The following LAMA2 variants were observed in gnomAD, a reference collection of about 807,000 sequenced individuals.
LAMA2 encodes the protein laminin subunit alpha-2.
In LAMA2, 269 loss-of-function variants were observed where a neutral mutation model predicts 364.8. The observed-to-expected ratio is 0.74, with a 90% CI of 0.67 to 0.82. The LOEUF is 0.82. Among genes scored for constraint, LAMA2 ranks in the 40% least tolerant of loss-of-function variants. The probability of loss-of-function intolerance (pLI) is 0.00; values close to 1 mark genes in which losing one functional copy is unlikely to be tolerated. For missense variants in LAMA2, 3,807 were observed against 3,873.2 expected (o/e 0.98, Z 0.45); for synonymous variants, 1,379 against 1,370.6 (o/e 1.01, Z -0.14).
At chr6:128,982,420 C>T (rs1782943920) in intron 1 of LAMA2, among the ~76,000 whole-genome samples, 1 of 152,086 alleles carries the variant, frequency 6.6e-6, no homozygotes, top group South Asian at 2.1e-4. Context: ...CGACTTCTGA[C>T]AATTTTATTT....
At chr6:129,334,525 CGAA>C (rs1384919921) in intron 29 of LAMA2, among the ~76,000 whole-genome samples, 2 of 151,856 alleles carry the variant, frequency 1.3e-5, no homozygotes, top group East Asian at 3.9e-4. Flanking sequence ...CATTTATAGT[CGAA>C]GAACCAATCA....
At chr6:129,393,321 A>G (rs1027644050) in intron 37 of LAMA2, 66 bp downstream of exon 37, 5 of 1,170,706 alleles carry the variant, frequency 4.3e-6, no homozygotes, top group Non-Finnish European at 6.4e-6. Context: ...AGTGTTGAAC[A>G]TGGCTGGACT....
chr6:129,046,328 G>T (rs765526531), intron 1 of LAMA2, among the ~76,000 whole-genome samples: 3 of 152,132 alleles, frequency 2.0e-5, no homozygotes, highest in Non-Finnish European at 2.9e-5. Flanking sequence ...GAGAAAAATA[G>T]GTTTAATAGA....
chr6:129,172,353 C>T (rs1283683136), intron 9 of LAMA2, among the ~76,000 whole-genome samples: 1 of 152,080 alleles, frequency 6.6e-6, no homozygotes, highest in South Asian at 2.1e-4. Flanking sequence ...ATGGGTTTTT[C>T]GTGTGGATGT....
chr6:129,250,357 CTT>C (rs1786090191), intron 13 of LAMA2, 144 bp downstream of exon 13: 1 of 667,812 alleles, frequency 1.5e-6, no homozygotes, highest in Non-Finnish European at 2.7e-6. Context: ...TTGTGCCACT[CTT>C]TTGTTTCACT....
At position 129,402,433 on chromosome 6, in the gene LAMA2, C is replaced by T; in HGVS notation, c.5672C>T (p.Ser1891Phe). 6.2e-7 allele frequency: 1 copy of T among 1,614,082 alleles called. No individual in the cohort carries two copies. The highest frequency in any genetic ancestry group is 8.5e-7 in the Non-Finnish European group (1 of 1,180,004). The change falls in exon 39 of 65, where the codon TCC becomes TTC. Residue 1891 changes from serine (S) to phenylalanine (F), a missense_variant. Ser to Phe is a radical substitution (Grantham distance 155). This residue lies in a region of LAMA2 where 3,333 missense variants were observed against 3,345.7 expected (regional missense o/e 1.00). Coordinates refer to ENST00000421865, the MANE Select transcript of LAMA2 (RefSeq NM_000426.4). The stretch of plus-strand genomic sequence containing the variant: ...GACAGGAAGCTTGCTGAGAAGGTGT[C>T]CCAGGCTGAGAGCCACGCAGCTCAG... ...IKDRKLAEKVSQAESHAAQLN... is the reference protein window; with the variant it reads ...IKDRKLAEKVFQAESHAAQLN...
rs747619612 is a variant in LAMA2, at chr6:129,514,392, A to G, written c.9008A>G (p.Asn3003Ser). ...IDEKLMFHVD[N>S]GAGRFTAVYD... ...TTCCAGTTGATGTTTCATGTGGACA[A>G]TGGTGCGGGCAGATTCACTGCTGTC... The change falls in exon 64 of 65, where the codon AAT (asparagine) becomes AGT (serine). Residue 3003 changes from asparagine (N) to serine (S), a missense_variant. This residue lies in a region of LAMA2 where 3,333 missense variants were observed against 3,345.7 expected (regional missense o/e 1.00). Transcript: ENST00000421865. 2.5e-5 allele frequency: 40 copies of G among 1,613,544 alleles called. No individual in the cohort carries two copies. The Admixed American group carries it at 3.7e-4, about 15-fold the overall frequency.
chr6:128,932,835 G>C (rs185691165), intron 1 of LAMA2, among the ~76,000 whole-genome samples: 1 of 152,108 alleles, frequency 6.6e-6, no homozygotes, highest in South Asian at 2.1e-4. Context: ...TTGTGTGTGC[G>C]TGTTTGTTTA....
intron 17 of LAMA2, among the ~76,000 whole-genome samples, chr6:129,277,898 A>T (rs1305061619): frequency 2.0e-5 from 3 of 152,166 alleles, no homozygotes; most frequent in African/African-American, 7.2e-5. Context: ...AATCTATTTT[A>T]TGAATAGCTT....
At chr6:129,267,696 G>T (rs976701144) in intron 16 of LAMA2, among the ~76,000 whole-genome samples, 41 of 151,906 alleles carry the variant, frequency 2.7e-4, no homozygotes, top group Non-Finnish European at 1.3e-4. Context: ...TTAACTAAAT[G>T]CATAGTGTCA....
chr6:128,883,140 C>T lies in LAMA2; in HGVS notation c.-106C>T. 1 of 1,163,394 alleles carries T rather than the reference C, an allele frequency of 8.6e-7. No individual in the cohort carries two copies. Among genetic ancestry groups the T allele is most frequent in the Non-Finnish European group, 1.2e-6 (1 of 811,678 alleles). The allele number at this position is 1,163,394 out of a possible 1,614,324, so 72.1% of individuals were successfully genotyped here. On this transcript the variant is annotated 5_prime_UTR_variant, in exon 1 of 65. Coordinates refer to ENST00000421865, the MANE Select transcript of LAMA2 (RefSeq NM_000426.4). ...AAGCCAGAGGGGGCTGTCTCCTCCTCTTCCCCAGCAGCTGCTGCTCGCTCA... is the reference window on the plus strand; with the variant it reads ...AAGCCAGAGGGGGCTGTCTCCTCCTTTTCCCCAGCAGCTGCTGCTCGCTCA...
At chr6:129,047,262 T>C (rs576420894) in intron 1 of LAMA2, among the ~76,000 whole-genome samples, 1 of 152,218 alleles carries the variant, frequency 6.6e-6, no homozygotes, top group Non-Finnish European at 1.5e-5. Context: ...TCTAATGAAA[T>C]AAATAATACT....
At chr6:129,211,749 G>T (rs746297064) in intron 12 of LAMA2, among the ~76,000 whole-genome samples, 1 of 152,104 alleles carries the variant, frequency 6.6e-6, no homozygotes, top group Non-Finnish European at 1.5e-5. Context: ...CCCAGCTCTG[G>T]CTGAGTTAGG....
intron 51 of LAMA2, among the ~76,000 whole-genome samples, chr6:129,466,760 C>A (rs1489319156): frequency 6.6e-6 from 1 of 151,834 alleles, no homozygotes; most frequent in Non-Finnish European, 1.5e-5. Flanking sequence ...CCATAGCCTA[C>A]ACGAATGAAT....
In LAMA2 at chr6:129,383,116, C is replaced by A. The variant is rs751216824; in HGVS notation, c.4960-6C>A. 6.2e-7 allele frequency: 1 copy of A among 1,611,584 alleles called. No individual in the cohort carries two copies. ...AATTATGTGTTTCCCGAATTTGGAT[C>A]ATTAGGCTACCAAAGTGACAGCAGA... is the stretch of plus-strand genomic sequence containing the variant. On this transcript the variant is annotated splice_region_variant and splice_polypyrimidine_tract_variant and intron_variant, in intron 34 of 64. Transcript: ENST00000421865.
chr6:129,040,473 A>T (rs1031410110), intron 1 of LAMA2, among the ~76,000 whole-genome samples: 3 of 152,178 alleles, frequency 2.0e-5, no homozygotes, highest in South Asian at 2.1e-4. Flanking sequence ...TAAAAAAAAA[A>T]TAGAAATTAG....
intron 12 of LAMA2, among the ~76,000 whole-genome samples, chr6:129,221,127 C>CA (rs1167242516): frequency 2.0e-5 from 3 of 150,010 alleles, no homozygotes; most frequent in African/African-American, 7.3e-5. Flanking sequence ...CACACCACTG[C>CA]ACTCCAGCCT....
chr6:128,920,455 C>T (rs1184826662), intron 1 of LAMA2, among the ~76,000 whole-genome samples: 1 of 152,020 alleles, frequency 6.6e-6, no homozygotes, highest in African/African-American at 2.4e-5. Flanking sequence ...CGTGCCGGTC[C>T]CTCATGCTCC....
At chr6:129,182,674 A>G (rs1780999792) in intron 10 of LAMA2, among the ~76,000 whole-genome samples, 1 of 151,778 alleles carries the variant, frequency 6.6e-6, no homozygotes, top group Non-Finnish European at 1.5e-5. Context: ...GAATACATAT[A>G]TTATAATTAA....
Sources: allele counts gnomAD v4.1 joint callset (sites outside exome capture counted in the v4.1 genomes callset), GRCh38; gene constraint gnomAD v4.1.1; regional missense constraint gnomAD v4.1.1; transcripts MANE v1.5; gene names NCBI Gene and HGNC (gene_info 2026-07-23, HGNC 2026-07-21).